VWA3B: variants seen among roughly 807,000 people sequenced by gnomAD.
VWA3B encodes von Willebrand factor A domain containing 3B, also known as von Willebrand factor A domain-containing protein 3B.
A neutral mutation model predicts 158.3 loss-of-function variants in VWA3B; 138 were observed. The ratio of observed to expected loss-of-function variants is 0.87; its 90% CI spans 0.76 to 1.00. The LOEUF (loss-of-function observed/expected upper bound fraction) is 1.00. Ranked by LOEUF, VWA3B falls within the 50% of genes least tolerant of loss-of-function variation. The pLI is 0.00. For synonymous variants in VWA3B, 596 were observed against 587.3 expected (o/e 1.01, Z -0.21); for missense variants, 1,555 against 1,565.1 (o/e 0.99, Z 0.11).
At chr2:98,267,101 G>GA (rs1687888496) in intron 21 of VWA3B, among the ~76,000 whole-genome samples, 2 of 151,820 alleles carry the variant, frequency 1.3e-5, no homozygotes. Flanking sequence ...GGAGTGGTGA[G>GA]AGAGGGCATC....
chr2:98,248,074 A>G (rs191204285), intron 19 of VWA3B, among the ~76,000 whole-genome samples: 2 of 152,150 alleles, frequency 1.3e-5, no homozygotes, highest in Admixed American at 1.3e-4. Context: ...TGTTTGAATT[A>G]CAATGTCTTT....
At chr2:98,256,568 C>T (rs543600860) in intron 21 of VWA3B, among the ~76,000 whole-genome samples, 3 of 152,282 alleles carry the variant, frequency 2.0e-5, no homozygotes, top group East Asian at 1.9e-4. Context: ...ATATACACCA[C>T]GTTTGTCTGT....
In VWA3B at chr2:98,092,196, C is replaced by T. The variant is rs1682348674; in HGVS notation, c.-32-865C>T. ...CCAATTAGCCACTACACCTGTTCGACAGGTAAAAACCTGTCAGAGTTTTAT... is the reference window on the plus strand; with the variant it reads ...CCAATTAGCCACTACACCTGTTCGATAGGTAAAAACCTGTCAGAGTTTTAT... On this transcript the variant is annotated intron_variant, in intron 1 of 27. Transcript: ENST00000477737. 2.0e-5 allele frequency among the ~76,000 whole-genome samples: 3 copies of T among 152,200 alleles called. No individual in the cohort carries two copies. In the South Asian group the frequency reaches 6.2e-4, roughly 32 times the overall value.
Position 98,256,173 on chromosome 2 carries a change from A to G in VWA3B, c.2842A>G (p.Lys948Glu). The stretch of plus-strand genomic sequence containing the variant: ...AGCATTATCTCAAGAGGAAAAAGAA[A>G]AGTAAGCCATTCCATTCCCTCCTCA... ...WRALSQEEKE[K>E]LDANKPIQYL... The change falls in exon 21 of 28, where the codon AAG (lysine) becomes GAG (glutamate). Residue 948 changes from lysine (K) to glutamate (E), a missense_variant and splice_region_variant. Transcript: ENST00000477737. 1.9e-6 allele frequency: 3 copies of G among 1,609,608 alleles called. No homozygotes were observed. Among genetic ancestry groups the G allele is most frequent in the Non-Finnish European group, 2.5e-6 (3 of 1,179,300 alleles).
chr2:98,207,376 G>T (rs1683112233), intron 12 of VWA3B: 5 of 484,010 alleles, frequency 1.0e-5, no homozygotes, highest in South Asian at 8.1e-5. Flanking sequence ...TCCCAACATT[G>T]TTGGCAATGA....
At chr2:98,092,860 A>ATAT (rs1553633936) in intron 1 of VWA3B, among the ~76,000 whole-genome samples, 1 of 118,518 alleles carries the variant, frequency 8.4e-6, no homozygotes, top group Non-Finnish European at 1.8e-5. Flanking sequence ...ATATATATAT[A>ATAT]GTTGAATATT....
chr2:98,088,446 A>G (rs1300716755), intron 1 of VWA3B, among the ~76,000 whole-genome samples: 2 of 152,144 alleles, frequency 1.3e-5, no homozygotes, highest in African/African-American at 4.8e-5. Context: ...GCCCTTGTAC[A>G]GTTGCCAGCT....
intron 21 of VWA3B, among the ~76,000 whole-genome samples, chr2:98,258,850 A>G (rs951827211): frequency 6.6e-6 from 1 of 151,814 alleles, no homozygotes; most frequent in Non-Finnish European, 1.5e-5. Context: ...TGATCTAGCT[A>G]GTACTTCCAG....
chr2:98,219,146 C>A (rs548143406), intron 14 of VWA3B, among the ~76,000 whole-genome samples: 1 of 151,870 alleles, frequency 6.6e-6, no homozygotes, highest in Non-Finnish European at 1.5e-5. Context: ...ACTAGGCATG[C>A]GAAAAAGTAG....
In VWA3B at chr2:98,128,254, T is replaced by C. The variant is rs758120811; in HGVS notation, c.718T>C (p.Tyr240His). 2.4e-5 allele frequency: 38 copies of C among 1,614,048 alleles called. No individual in the cohort carries two copies. The highest frequency in any genetic ancestry group is 1.9e-5 in the Non-Finnish European group (23 of 1,180,012). The change falls in exon 6 of 28, where the codon TAC (tyrosine) becomes CAC (histidine). Residue 240 changes from tyrosine to histidine, a missense_variant. By Grantham distance (83) the Tyr-to-His change is moderately conservative (BLOSUM62 2). Coordinates refer to ENST00000477737, the MANE Select transcript of VWA3B (RefSeq NM_144992.5). ...TGTTTTGCAGATTGAATCCATTTAC[T>C]ACTTTGTGGTGGGGGATGTTCCTGA... ...GRDKTIESIY[Y>H]FVVGDVPEES...
intron 12 of VWA3B, among the ~76,000 whole-genome samples, chr2:98,205,565 T>G (rs1467657971): frequency 1.3e-5 from 2 of 152,160 alleles, no homozygotes; most frequent in Non-Finnish European, 2.9e-5. Flanking sequence ...CTGCTTTGAG[T>G]TTATTTTGCT....
At chr2:98,243,040 A>G (rs1432245101) in intron 19 of VWA3B, among the ~76,000 whole-genome samples, 1 of 152,056 alleles carries the variant, frequency 6.6e-6, no homozygotes, top group Admixed American at 6.5e-5. Context: ...AGCAATAGTT[A>G]TCATCCACCT....
Position 98,236,452 on chromosome 2 carries a change from G to A in VWA3B, c.2491G>A (p.Glu831Lys). 6.2e-7 allele frequency: 1 copy of A among 1,614,254 alleles called. No homozygotes were observed. The highest frequency in any genetic ancestry group is 8.5e-7 in the Non-Finnish European group (1 of 1,180,040). The part of the protein sequence containing the change: ...DDKSSEKVTR[E>K]GSQVYDHDSS... ...CAAATCGTCAGAAAAGGTGACGCGA[G>A]AAGGAAGCCAGGTTTATGACCACGA... The change falls in exon 18 of 28, where the codon GAA (glutamate) becomes AAA (lysine). Residue 831 changes from glutamate to lysine, a missense_variant. Transcript: ENST00000477737.
At chr2:98,165,385 G>A (rs537930079) in intron 8 of VWA3B, among the ~76,000 whole-genome samples, 4 of 152,206 alleles carry the variant, frequency 2.6e-5, no homozygotes, top group East Asian at 1.9e-4. Flanking sequence ...CCCACCCACC[G>A]GACATGTAAT....
intron 14 of VWA3B, among the ~76,000 whole-genome samples, chr2:98,220,262 CA>C (rs1684387349): frequency 6.7e-6 from 1 of 149,998 alleles, no homozygotes; most frequent in African/African-American, 2.5e-5. Flanking sequence ...GTACTTTAGA[CA>C]GAAGGAAAAC....
chr2:98,276,668 C>G (rs570730218), intron 22 of VWA3B, among the ~76,000 whole-genome samples: 19 of 149,148 alleles, frequency 1.3e-4, no homozygotes, highest in African/African-American at 4.6e-4. Context: ...TTGGAATGGG[C>G]TGCCCATGTG....
intron 22 of VWA3B, among the ~76,000 whole-genome samples, chr2:98,273,677 C>T (rs1367194489): frequency 6.6e-6 from 1 of 152,108 alleles, no homozygotes; most frequent in South Asian, 2.1e-4. Context: ...AAGCACTATT[C>T]GAAGCACTGG....
At chr2:98,145,779 A>T (rs1677129741) in intron 7 of VWA3B, among the ~76,000 whole-genome samples, 1 of 151,710 alleles carries the variant, frequency 6.6e-6, no homozygotes, top group Admixed American at 6.6e-5. Context: ...GAATGCAGTG[A>T]CGTGATCAAA....
At chr2:98,108,999 T>G (rs562430069) in intron 2 of VWA3B, among the ~76,000 whole-genome samples, 1 of 150,296 alleles carries the variant, frequency 6.7e-6, no homozygotes, top group South Asian at 2.1e-4. Flanking sequence ...CTTTTCTTTT[T>G]TTTTTTTTTT....
Sources: gnomAD v4.1 joint callset for allele counts (sites outside exome capture counted in the v4.1 genomes callset) on GRCh38, gnomAD v4.1.1 for gene constraint, MANE v1.5 for transcripts, NCBI Gene and HGNC (gene_info 2026-07-23, HGNC 2026-07-21) for gene names.